The following NFIB variants were observed in gnomAD, a reference collection of about 807,000 sequenced individuals.
NFIB encodes the protein nuclear factor I B, also known as nuclear factor 1 B-type.
A neutral mutation model predicts 61.5 loss-of-function variants in NFIB; 11 were observed. The ratio of observed to expected loss-of-function variants is 0.18; its 90% CI spans 0.11 to 0.30. NFIB has a LOEUF of 0.30. NFIB is among the 10% of genes least tolerant of loss of function. The pLI is 1.00. For missense variants in NFIB, 471 were observed against 608.9 expected, an observed-to-expected ratio of 0.77 and a Z score of 2.38; for synonymous variants, 260 against 216.5, an observed-to-expected ratio of 1.20 and a Z score of -1.76.
At chr9:14,113,364 G>A (rs1163089570) in intron 9 of NFIB, among the ~76,000 whole-genome samples, 2 of 152,208 alleles carry the variant, frequency 1.3e-5, no homozygotes, top group East Asian at 3.9e-4. Context: ...CTGTCCTGTG[G>A]AGGTACTAAG....
rs547571193 is a variant in NFIB, at chr9:14,123,258, A to G, written c.1060+2374T>C. 3.9e-5 allele frequency among the ~76,000 whole-genome samples: 6 copies of G among 152,032 alleles called. No individual in the cohort carries two copies. The South Asian group carries it at 1.2e-3, about 32-fold the overall frequency. On this transcript the variant is annotated intron_variant, in intron 7 of 10. Coordinates refer to ENST00000380953, the MANE Select transcript of NFIB (RefSeq NM_001190737.2). ...GAGTAAGACCCTGTCTCAAAAAAAA[A>G]AAGAAAAGAAAAAGAAAAAAAAATA... is the stretch of plus-strand genomic sequence containing the variant.
At chr9:14,112,550 C>T (rs769697355) in intron 10 of NFIB, among the ~76,000 whole-genome samples, 4 of 152,138 alleles carry the variant, frequency 2.6e-5, no homozygotes, top group Non-Finnish European at 5.9e-5. Flanking sequence ...ATTTTAACTT[C>T]GTAACTCATC....
At chr9:14,405,257 C>T in the NFIB span, among the ~76,000 whole-genome samples, 3 of 152,182 alleles carry the variant, frequency 2.0e-5, no homozygotes, top group Non-Finnish European at 4.4e-5. Context: ...GGAGCAGAGC[C>T]TCCTCACCAA....
At chr9:14,280,900 T>TA (rs2058332064) in intron 2 of NFIB, among the ~76,000 whole-genome samples, 1 of 152,166 alleles carries the variant, frequency 6.6e-6, no homozygotes, top group Admixed American at 6.5e-5. Context: ...TGTGATCATT[T>TA]AAAAAATAAG....
At chr9:14,225,456 C>CAAAAAAAAAAAAAAAAAAAAAA (rs1228589594) in intron 2 of NFIB, among the ~76,000 whole-genome samples, 2 of 58,014 alleles carry the variant, frequency 3.4e-5, no homozygotes, top group African/African-American at 4.5e-5. Context: ...GACTCCGTCT[C>CAAAAAAAAAAAAAAAAAAAAAA]AAAAAAAAAA....
intron 2 of NFIB, among the ~76,000 whole-genome samples, chr9:14,216,744 A>G (rs2050971942): frequency 6.6e-6 from 1 of 152,164 alleles, no homozygotes; most frequent in Admixed American, 6.5e-5. Context: ...CATCTTTCTC[A>G]TGTGACACTT....
At chr9:14,322,596 C>T (rs1347079545) in intron 1 of NFIB, among the ~76,000 whole-genome samples, 4 of 152,062 alleles carry the variant, frequency 2.6e-5, no homozygotes, top group African/African-American at 9.7e-5. Context: ...CCCACCCTAC[C>T]ACGGCCGGCC....
chr9:14,390,392 C>T (rs2061605896), intron 1 of NFIB, among the ~76,000 whole-genome samples: 1 of 152,132 alleles, frequency 6.6e-6, no homozygotes, highest in Non-Finnish European at 1.5e-5. Flanking sequence ...AAGCCTGAAG[C>T]ATCTTGCAAT....
At chr9:14,166,788 A>G (rs2044845655) in intron 3 of NFIB, among the ~76,000 whole-genome samples, 1 of 152,112 alleles carries the variant, frequency 6.6e-6, no homozygotes, top group Non-Finnish European at 1.5e-5. Flanking sequence ...CCTCTATATC[A>G]ATGCTTTTTT....
At chr9:14,474,394 C>A in the NFIB span, among the ~76,000 whole-genome samples, 7 of 152,134 alleles carry the variant, frequency 4.6e-5, no homozygotes, top group South Asian at 2.1e-4. Flanking sequence ...ACCTAATCAC[C>A]CCCCAATGAC....
intron 1 of NFIB, among the ~76,000 whole-genome samples, chr9:14,359,381 C>A (rs549064707): frequency 1.3e-5 from 2 of 152,210 alleles, no homozygotes; most frequent in South Asian, 4.1e-4. Context: ...ACAGACACAC[C>A]AAAGAGACAT....
the NFIB span, among the ~76,000 whole-genome samples, chr9:14,443,388 A>G: frequency 6.6e-6 from 1 of 152,102 alleles, no homozygotes; most frequent in Non-Finnish European, 1.5e-5. Context: ...CTCTTCACTG[A>G]CTGTCTCATA....
chr9:14,387,190 T>C (rs190676947), intron 1 of NFIB, among the ~76,000 whole-genome samples: 1 of 152,322 alleles, frequency 6.6e-6, no homozygotes, highest in African/African-American at 2.4e-5. Flanking sequence ...AAATTATTTT[T>C]TATACTGGCT....
chr9:14,382,189 T>C (rs769440596), intron 1 of NFIB, among the ~76,000 whole-genome samples: 1 of 152,206 alleles, frequency 6.6e-6, no homozygotes, highest in African/African-American at 2.4e-5. Context: ...AAAAAAGTTA[T>C]AAAGTCTTGG....
At chr9:14,517,523 A>G in the NFIB span, among the ~76,000 whole-genome samples, 1 of 152,334 alleles carries the variant, frequency 6.6e-6, no homozygotes, top group South Asian at 2.1e-4. Flanking sequence ...ATCTGAGCTT[A>G]GACCCTTGTC....
chr9:14,418,269 G>GA, the NFIB span, among the ~76,000 whole-genome samples: 1 of 152,054 alleles, frequency 6.6e-6, no homozygotes, highest in African/African-American at 2.4e-5. Context: ...TTTGAGCAGC[G>GA]AAAAAAGCAT....
At chr9:14,530,334 A>T in the NFIB span, among the ~76,000 whole-genome samples, 1 of 152,158 alleles carries the variant, frequency 6.6e-6, no homozygotes, top group Non-Finnish European at 1.5e-5. Flanking sequence ...CATAAATAAC[A>T]GTTTGCCACT....
chr9:14,433,188 G>A, the NFIB span, among the ~76,000 whole-genome samples: 3 of 152,032 alleles, frequency 2.0e-5, no homozygotes, highest in Non-Finnish European at 4.4e-5. Flanking sequence ...CTGGAGAAAG[G>A]CCCATTAAAG....
chr9:14,300,198 G>T, intron 2 of NFIB: 2 of 398,526 alleles, frequency 5.0e-6, no homozygotes, highest in East Asian at 3.6e-5. Context: ...CGTTGCCACA[G>T]AAAAGTGAGC....
Sources: allele counts gnomAD v4.1 joint callset (sites outside exome capture counted in the v4.1 genomes callset), GRCh38; gene constraint gnomAD v4.1.1; transcripts MANE v1.5; gene names NCBI Gene and HGNC (gene_info 2026-07-23, HGNC 2026-07-21).